Variants in FOLH1 observed in about 807,000 individuals in gnomAD.
FOLH1 encodes glutamate carboxypeptidase 2.
A neutral mutation model predicts 93.9 loss-of-function variants in FOLH1; 54 were observed. The ratio of observed to expected loss-of-function variants is 0.57; its 90% CI spans 0.46 to 0.72. FOLH1 has a LOEUF of 0.72. FOLH1 is among the 30% of genes least tolerant of loss of function. The pLI, the probability that FOLH1 is intolerant of heterozygous loss-of-function variation, is 0.00. For missense variants in FOLH1, 571 were observed against 892.5 expected, an observed-to-expected ratio of 0.64 and a Z score of 4.59; for synonymous variants, 249 against 303.6, an observed-to-expected ratio of 0.82 and a Z score of 1.87.
intron 6 of FOLH1, 137 bp from the exon 7 acceptor site, chr11:49,183,379 A>C: frequency 1.5e-6 from 1 of 668,710 alleles, no homozygotes; most frequent in Non-Finnish European, 2.4e-6. Flanking sequence ...TTCAAATGTT[A>C]GCGAGAATGC....
chr11:49,169,663 G>A (rs1407292574), intron 11 of FOLH1, among the ~76,000 whole-genome samples: 3 of 152,172 alleles, frequency 2.0e-5, no homozygotes, highest in Non-Finnish European at 4.4e-5. Flanking sequence ...CATATGGAAT[G>A]AAGGTATTTT....
chr11:49,188,420 T>C (rs878897345), intron 4 of FOLH1, among the ~76,000 whole-genome samples: 1 of 149,336 alleles, frequency 6.7e-6, no homozygotes, highest in East Asian at 2.0e-4. Context: ...GGCTGAGGTA[T>C]GAGAATTGCT....
chr11:49,154,149 G>A, intron 16 of FOLH1, 79 bp downstream of exon 16: 1 of 1,541,904 alleles, frequency 6.5e-7, no homozygotes, highest in Non-Finnish European at 8.7e-7. Context: ...AATAATAAAT[G>A]ACCTAAGATA....
At chr11:49,156,584 A>G (rs1232572420) in intron 15 of FOLH1, 133 bp downstream of exon 15, 31 of 973,518 alleles carry the variant, frequency 3.2e-5, no homozygotes, top group Non-Finnish European at 4.2e-5. Flanking sequence ...GATACTGTCA[A>G]CCATTGAGAC....
At chr11:49,193,751 C>T (rs1002593251) in intron 3 of FOLH1, among the ~76,000 whole-genome samples, 50 of 152,042 alleles carry the variant, frequency 3.3e-4, no homozygotes, top group African/African-American at 1.2e-3. Flanking sequence ...TTTGGCTTTG[C>T]CTTAGATGGA....
intron 11 of FOLH1, among the ~76,000 whole-genome samples, chr11:49,170,361 T>G (rs1471349270): frequency 6.6e-6 from 1 of 152,196 alleles, no homozygotes; most frequent in Admixed American, 6.6e-5. Context: ...ACGCCTGTAT[T>G]CCTAGCACTT....
chr11:49,202,609 G>C (rs754533857), intron 2 of FOLH1, among the ~76,000 whole-genome samples: 7 of 152,206 alleles, frequency 4.6e-5, no homozygotes, highest in Non-Finnish European at 1.0e-4. Flanking sequence ...TCCTCCCAAA[G>C]AGCTGGGATT....
At chr11:49,180,306 A>G (rs1345358027) in intron 7 of FOLH1, among the ~76,000 whole-genome samples, 2 of 152,236 alleles carry the variant, frequency 1.3e-5, no homozygotes, top group South Asian at 2.1e-4. Context: ...CGTTGGCACT[A>G]TAATTATCGT....
chr11:49,150,864 C>T (rs1856433129), intron 17 of FOLH1, among the ~76,000 whole-genome samples: 1 of 152,170 alleles, frequency 6.6e-6, no homozygotes, highest in African/African-American at 2.4e-5. Flanking sequence ...CATGAATCAT[C>T]TTGTTCATTA....
intron 4 of FOLH1, among the ~76,000 whole-genome samples, chr11:49,187,201 GA>G (rs1166015401): frequency 6.6e-6 from 1 of 152,104 alleles, no homozygotes. Flanking sequence ...ACCAAGTAAA[GA>G]AAAATGCACA....
chr11:49,146,717 T>A lies in FOLH1; in HGVS notation c.*39A>T. 1.3e-6 allele frequency: 2 copies of A among 1,557,938 alleles called. No homozygotes were observed. The highest frequency in any genetic ancestry group is 2.4e-5 in the South Asian group (2 of 82,220). On this transcript the variant is annotated 3_prime_UTR_variant, in exon 19 of 19. Transcript: ENST00000256999. ...CCATTACGATTCTTTCTGAGTGACA[T>A]ACCACACAAATTCAATACGGATTCT...
chr11:49,201,424 T>C (rs1413223554), intron 2 of FOLH1, among the ~76,000 whole-genome samples: 1 of 148,680 alleles, frequency 6.7e-6, no homozygotes, highest in Non-Finnish European at 1.5e-5. Context: ...CATTCTACCA[T>C]GTATTTTAAT....
chr11:49,208,201 C>A, intron 1 of FOLH1, 91 bp downstream of exon 1: 1 of 951,700 alleles, frequency 1.1e-6, no homozygotes, highest in Non-Finnish European at 1.6e-6. Context: ...AGACCAGCAA[C>A]AGGATCCCAC....
chr11:49,177,055 C>T lies in FOLH1; in HGVS notation c.921-1098G>A, dbSNP rs1333397833. ...CTGTGCCTGTACACGGGTGCTTGTT[C>T]CCTGTCTACCTGTTTGAGGAAATAT... On this transcript the variant is annotated intron_variant, in intron 7 of 18. Coordinates refer to ENST00000256999, the MANE Select transcript of FOLH1 (RefSeq NM_004476.3). Among the ~76,000 whole-genome samples the T allele has an allele frequency of 2.0e-5, 3 of 152,280 alleles. No homozygotes were observed. In the East Asian group the frequency reaches 5.8e-4, roughly 29 times the overall value.
At position 49,146,354 on chromosome 11, in the gene FOLH1, G is replaced by A. The variant is rs1389016872; in HGVS notation, c.*402C>T. Among the ~76,000 whole-genome samples the A allele has an allele frequency of 6.6e-6, 1 of 152,216 alleles. No individual in the cohort carries two copies. The highest frequency in any genetic ancestry group is 1.5e-5 in the Non-Finnish European group (1 of 68,040). On this transcript the variant is annotated 3_prime_UTR_variant, in exon 19 of 19. Coordinates refer to ENST00000256999, the MANE Select transcript of FOLH1 (RefSeq NM_004476.3). Reference sequence around the variant, plus strand: ...CTCTCAGCCCAGGCTGGCCAGGTAGGCCGTGAGGCCTCTGGCTTGGGATAA... The same window carrying A: ...CTCTCAGCCCAGGCTGGCCAGGTAGACCGTGAGGCCTCTGGCTTGGGATAA...
intron 15 of FOLH1, among the ~76,000 whole-genome samples, chr11:49,156,193 T>C (rs927289147): frequency 6.6e-6 from 1 of 152,052 alleles, no homozygotes; most frequent in Admixed American, 6.6e-5. Context: ...CATATTTCCC[T>C]TTTAAATGAC....
intron 4 of FOLH1, among the ~76,000 whole-genome samples, chr11:49,187,223 T>C (rs1861507108): frequency 1.3e-5 from 2 of 152,218 alleles, no homozygotes; most frequent in Non-Finnish European, 2.9e-5. Context: ...GGTAACATCA[T>C]TGCTTCACAG....
chr11:49,179,599 C>T (rs955504976), intron 7 of FOLH1, among the ~76,000 whole-genome samples: 2 of 151,992 alleles, frequency 1.3e-5, no homozygotes, highest in African/African-American at 4.8e-5. Context: ...TGAGATGCAG[C>T]AAAAACAGTG....
At chr11:49,177,431 A>G (rs895817018) in intron 7 of FOLH1, among the ~76,000 whole-genome samples, 2 of 152,272 alleles carry the variant, frequency 1.3e-5, no homozygotes, top group Admixed American at 6.5e-5. Flanking sequence ...AAGAATATAC[A>G]TATACTTAAT....
Sources: allele counts gnomAD v4.1 joint callset (sites outside exome capture counted in the v4.1 genomes callset), GRCh38; gene constraint gnomAD v4.1.1; transcripts MANE v1.5; gene names NCBI Gene and HGNC (gene_info 2026-07-23, HGNC 2026-07-21).